EPHA6: variants seen among roughly 807,000 people sequenced by gnomAD.
EPHA6 encodes ephrin type-A receptor 6.
EPHA6 carries 50 observed loss-of-function variants against 112.0 expected under a neutral mutation model. The ratio of observed to expected loss-of-function variants is 0.45; its 90% CI spans 0.36 to 0.56. The LOEUF is 0.56. Ranked by LOEUF, EPHA6 falls within the 20% of genes least tolerant of loss-of-function variation. EPHA6 has a pLI of 0.00. For missense variants in EPHA6, 1,280 were observed against 1,417.4 expected, an observed-to-expected ratio of 0.90 and a Z score of 1.56; for synonymous variants, 529 against 490.7, an observed-to-expected ratio of 1.08 and a Z score of -1.03.
intron 5 of EPHA6, among the ~76,000 whole-genome samples, chr3:97,315,885 G>A (rs1375569936): frequency 6.6e-6 from 1 of 151,738 alleles, no homozygotes; most frequent in Non-Finnish European, 1.5e-5. Flanking sequence ...ACCATCATGT[G>A]CACCTTTCTA....
chr3:97,141,368 G>A (rs141911546), intron 3 of EPHA6, among the ~76,000 whole-genome samples: 22 of 152,100 alleles, frequency 1.4e-4, no homozygotes, highest in South Asian at 6.2e-4. Flanking sequence ...CCTATCAGCC[G>A]CAGAATATAC....
chr3:96,892,206 CATT>C, intron 2 of EPHA6, among the ~76,000 whole-genome samples: 1 of 152,044 alleles, frequency 6.6e-6, no homozygotes, highest in East Asian at 1.9e-4. Context: ...AGTTATGAAA[CATT>C]ATTTGGTTTT....
In EPHA6 at chr3:96,848,085, A is replaced by T. The variant is rs547074077; in HGVS notation, c.386-18740A>T. Reference sequence around the variant, plus strand: ...ATCATTTAATGTTTGCATGGGTATAAGTTGACAGTCTTATTTATACATATA... The same window carrying T: ...ATCATTTAATGTTTGCATGGGTATATGTTGACAGTCTTATTTATACATATA... On this transcript the variant is annotated intron_variant, in intron 1 of 17. Transcript: ENST00000389672. Among the ~76,000 whole-genome samples the T allele has an allele frequency of 6.0e-4, 91 of 152,186 alleles. 1 individual carries two copies. The highest frequency in any genetic ancestry group is 3.4e-3 in the Middle Eastern group (1 of 294).
chr3:97,187,688 GGAAAGAAAGAAAGAAAGAAA>G lies in EPHA6; in HGVS notation c.1115-38537_1115-38518del, dbSNP rs71113853. Among the ~76,000 whole-genome samples the G allele has an allele frequency of 8.3e-3, 900 of 108,070 alleles. 7 individuals carry two copies. The highest frequency in any genetic ancestry group is 0.025 in the African/African-American group (674 of 27,464). 70.9% of individuals were successfully genotyped at this position (108,070 alleles called of 152,430 possible). Reference sequence around the variant, plus strand: ...GAAAGAAAGAAAGAGAAAGAAAGAAGGAAAGAAAGAAAGAAAGAAAGAAAGAAAGAAAGAAAGAAAGAAAG... The same window carrying G: ...GAAAGAAAGAAAGAGAAAGAAAGAAGGAAAGAAAGAAAGAAAGAAAGAAAG... On this transcript the variant is annotated intron_variant, in intron 3 of 17. Transcript: ENST00000389672.
chr3:96,835,118 A>C (rs1034508399), intron 1 of EPHA6, among the ~76,000 whole-genome samples: 2 of 152,110 alleles, frequency 1.3e-5, no homozygotes, highest in African/African-American at 2.4e-5. Flanking sequence ...TAGATTTGGA[A>C]ATCAAACCTA....
intron 1 of EPHA6, among the ~76,000 whole-genome samples, chr3:96,823,970 G>A (rs1161449203): frequency 2.0e-5 from 3 of 151,598 alleles, no homozygotes; most frequent in African/African-American, 4.8e-5. Flanking sequence ...TTATTTTTAC[G>A]ATACCATAGT....
chr3:97,642,141 C>T lies in EPHA6; in HGVS notation c.2784+4059C>T, dbSNP rs1023354066. Among the ~76,000 whole-genome samples, 9 of 127,682 alleles carry T rather than the reference C, an allele frequency of 7.0e-5. No homozygotes were observed. The South Asian group carries it at 8.5e-4, about 12-fold the overall frequency. The allele number at this position is 127,682 out of a possible 152,430, so 83.8% of individuals were successfully genotyped here. ...AAGTGGGTACCTGACCCCTGACCCC[C>T]GAGCAGCCTAACTGGGAGGCACCCC... On this transcript the variant is annotated intron_variant, in intron 14 of 17. Transcript: ENST00000389672.
chr3:97,084,774 T>C (rs2046841506), intron 3 of EPHA6, among the ~76,000 whole-genome samples: 1 of 151,980 alleles, frequency 6.6e-6, no homozygotes, highest in Non-Finnish European at 1.5e-5. Flanking sequence ...TAGAAAAACA[T>C]CCCAGGCTCA....
At chr3:97,202,866 T>A (rs1300434903) in intron 3 of EPHA6, among the ~76,000 whole-genome samples, 1 of 152,136 alleles carries the variant, frequency 6.6e-6, no homozygotes, top group Non-Finnish European at 1.5e-5. Context: ...AGTCAACTTA[T>A]AGTATTATGC....
intron 3 of EPHA6, among the ~76,000 whole-genome samples, chr3:97,131,754 A>T (rs1244532414): frequency 1.3e-5 from 2 of 152,104 alleles, no homozygotes; most frequent in African/African-American, 2.4e-5. Context: ...AAACATTTTC[A>T]TCTTGCTGTA....
intron 4 of EPHA6, among the ~76,000 whole-genome samples, chr3:97,243,567 TA>T (rs2078907919): frequency 2.0e-5 from 3 of 151,930 alleles, no homozygotes; most frequent in African/African-American, 7.2e-5. Flanking sequence ...TGTATGTTAC[TA>T]TTTTTTTTCA....
intron 4 of EPHA6, among the ~76,000 whole-genome samples, chr3:97,237,337 G>A (rs541078994): frequency 1.6e-4 from 24 of 151,930 alleles, no homozygotes; most frequent in South Asian, 1.5e-3. Context: ...ATGAATCCTC[G>A]TTTCCCCAAT....
intron 7 of EPHA6, among the ~76,000 whole-genome samples, chr3:97,457,819 C>A (rs2090740601): frequency 1.3e-5 from 2 of 152,050 alleles, no homozygotes; most frequent in South Asian, 2.1e-4. Flanking sequence ...GTAATCCCAG[C>A]ACTTTGGAAG....
At chr3:97,149,693 T>C (rs1013307406) in intron 3 of EPHA6, among the ~76,000 whole-genome samples, 1 of 151,782 alleles carries the variant, frequency 6.6e-6, no homozygotes, top group African/African-American at 2.4e-5. Flanking sequence ...TTATAACAAA[T>C]CTTAAGAAAT....
intron 14 of EPHA6, among the ~76,000 whole-genome samples, chr3:97,643,183 G>T (rs1167052018): frequency 2.0e-5 from 3 of 150,008 alleles, no homozygotes; most frequent in African/African-American, 4.9e-5. Context: ...TTCATATCCA[G>T]CCAAACTAAG....
chr3:97,571,732 G>A (rs1044052994), intron 11 of EPHA6, among the ~76,000 whole-genome samples: 1 of 152,160 alleles, frequency 6.6e-6, no homozygotes, highest in African/African-American at 2.4e-5. Flanking sequence ...TTCCGTATTA[G>A]ACTCAACATG....
chr3:97,008,684 A>G (rs1049354446), intron 3 of EPHA6, among the ~76,000 whole-genome samples: 7 of 152,162 alleles, frequency 4.6e-5, no homozygotes, highest in African/African-American at 1.7e-4. Flanking sequence ...TTGGTTGAGA[A>G]GAGGCACTCT....
intron 13 of EPHA6, among the ~76,000 whole-genome samples, chr3:97,613,782 T>A (rs2093740393): frequency 1.3e-5 from 2 of 152,226 alleles, no homozygotes; most frequent in Admixed American, 1.3e-4. Flanking sequence ...ACTTCACCAA[T>A]GTGCAGAATT....
At chr3:97,177,533 T>C (rs2076869707) in intron 3 of EPHA6, among the ~76,000 whole-genome samples, 1 of 151,974 alleles carries the variant, frequency 6.6e-6, no homozygotes, top group Non-Finnish European at 1.5e-5. Context: ...TCTAATAATG[T>C]TTCCTTTATA....
Sources: gnomAD v4.1 joint callset for allele counts (sites outside exome capture counted in the v4.1 genomes callset) on GRCh38, gnomAD v4.1.1 for gene constraint, MANE v1.5 for transcripts, NCBI Gene and HGNC (gene_info 2026-07-23, HGNC 2026-07-21) for gene names.